The following RASAL3 variants were observed in gnomAD, a reference collection of about 807,000 sequenced individuals.
RASAL3 encodes RAS protein activator like 3.
A neutral mutation model predicts 105.5 loss-of-function variants in RASAL3; 74 were observed. The observed-to-expected ratio is 0.70, with a 90% confidence interval of 0.58 to 0.85. The LOEUF (loss-of-function observed/expected upper bound fraction) is 0.85, where lower values mean the gene tolerates loss of function less well. Among genes scored for constraint, RASAL3 ranks in the 40% least tolerant of loss-of-function variants. The pLI, the probability that RASAL3 is intolerant of heterozygous loss-of-function variation, is 0.00. For missense variants in RASAL3, 1,352 were observed against 1,392.0 expected, an observed-to-expected ratio of 0.97 and a Z score of 0.46; for synonymous variants, 579 against 591.6, an observed-to-expected ratio of 0.98 and a Z score of 0.31.
Position 15,454,513 on chromosome 19 carries a change from C to A in RASAL3, c.2008G>T (p.Glu670Ter), listed in dbSNP as rs773258849. The stretch of plus-strand genomic sequence containing the variant: ...AAGCATTGCATGGCTGGTCCATGTT[C>A]CTCCAGGAAGCTATTCATGAAGCCC... ...YMGFMNSFLE[E>*]HGPAMQCFLD... is the part of the protein sequence containing the mutation. The change falls in exon 13 of 18, where the codon GAA becomes TAA. Residue 670 changes from glutamate to a stop codon, truncating the protein, a stop_gained. Transcript: ENST00000343625. LOFTEE classifies it high-confidence loss of function. 6.2e-7 allele frequency: 1 copy of A among 1,613,988 alleles called. No homozygotes were observed. The highest frequency in any genetic ancestry group is 1.1e-5 in the South Asian group (1 of 91,082).
At chr19:15,460,758 C>A (rs1326229962) in intron 5 of RASAL3, among the ~76,000 whole-genome samples, 1 of 152,156 alleles carries the variant, frequency 6.6e-6, no homozygotes, top group African/African-American at 2.4e-5. Context: ...TGAAGTCTCC[C>A]CATGTTGCTT....
Position 15,457,907 on chromosome 19 carries a change from C to A in RASAL3, c.889-73G>T. 6.7e-7 allele frequency: 1 copy of A among 1,502,248 alleles called. No individual in the cohort carries two copies. The highest frequency in any genetic ancestry group is 1.2e-5 in the South Asian group (1 of 81,800). The allele number at this position is 1,502,248 out of a possible 1,614,324, so 93.1% of individuals were successfully genotyped here. A position where few individuals can be genotyped will look rare whatever the true frequency, so the allele number is the denominator to read the frequency against. ...CCCAAAGAAGGCACCGCAAGTGAAG[C>A]GTGGAGCCTCAAACCTGTTGCGTCG... On this transcript the variant is annotated intron_variant, in intron 8 of 17. Coordinates refer to ENST00000343625, the MANE Select transcript of RASAL3 (RefSeq NM_022904.3). This position sits in a 1 kb window ranked among gnomAD's most constrained non-coding sequence, Gnocchi z 8.6.
Position 15,456,329 on chromosome 19 carries a change from G to A in RASAL3, c.1577-81C>T. 2 of 1,571,478 alleles carry A rather than the reference G, an allele frequency of 1.3e-6. No individual in the cohort carries two copies. Among genetic ancestry groups the A allele is most frequent in the Non-Finnish European group, 1.7e-6 (2 of 1,155,566 alleles). ...CACCCATCCTCCAACCTTGTCTTCAGGTTATTCCGGAGGCACCCAACATCT... is the reference window on the plus strand; with the variant it reads ...CACCCATCCTCCAACCTTGTCTTCAAGTTATTCCGGAGGCACCCAACATCT... On this transcript the variant is annotated intron_variant, in intron 10 of 17. Transcript: ENST00000343625. This position sits in a 1 kb window ranked among gnomAD's most constrained non-coding sequence, Gnocchi z 4.4.
At chr19:15,458,225 TGGG>T (rs1373520660) in intron 8 of RASAL3, 100 bp downstream of exon 8, 1 of 1,057,162 alleles carries the variant, frequency 9.5e-7, no homozygotes, top group Non-Finnish European at 1.4e-6. Flanking sequence ...GCAGGTGTGT[TGGG>T]GGCGCGGGTT....
intron 2 of RASAL3, among the ~76,000 whole-genome samples, chr19:15,462,108 T>C (rs1273229572): frequency 6.6e-6 from 1 of 151,848 alleles, no homozygotes; most frequent in Non-Finnish European, 1.5e-5. Flanking sequence ...ATCCCAACAT[T>C]TGGGAGGCCG....
intron 2 of RASAL3, among the ~76,000 whole-genome samples, chr19:15,462,540 G>A (rs1970542619): frequency 6.7e-6 from 1 of 150,244 alleles, no homozygotes; most frequent in Non-Finnish European, 1.5e-5. Context: ...AGAATTAAAT[G>A]AGCTTCCAGG....
chr19:15,457,300 G>A lies in RASAL3; in HGVS notation c.1423C>T (p.Arg475Trp). The A allele has an allele frequency of 1.5e-6, 2 of 1,299,512 alleles. No homozygotes were observed. Among genetic ancestry groups the A allele is most frequent in the Non-Finnish European group, 2.0e-6 (2 of 1,024,974 alleles). The allele number at this position is 1,299,512 out of a possible 1,614,324, so 80.5% of individuals were successfully genotyped here. A position where few individuals can be genotyped will look rare whatever the true frequency, so the allele number is the denominator to read the frequency against. Residue 475 changes from arginine to tryptophan, a missense_variant, in exon 9 of 18, where the codon CGG becomes TGG. Arg to Trp is a moderately radical substitution (Grantham distance 101, BLOSUM62 -3). This residue lies in a region of RASAL3 where 920 missense variants were observed against 919.6 expected (regional missense o/e 1.00). Coordinates refer to ENST00000343625, the MANE Select transcript of RASAL3 (RefSeq NM_022904.3). This position sits in a 1 kb window ranked among gnomAD's most constrained non-coding sequence, Gnocchi z 8.6. The part of the protein sequence containing the change: ...AMVRVLRATG[R>W]AQALVTDLGT... ...CTGTCGCGGTGCCGCACCTGCGCCC[G>A]GCCGGTGGCCCGCAGCACGCGCACC...
At chr19:15,452,010 C>A (rs1270004909) in intron 17 of RASAL3, 35 bp downstream of exon 17, 1 of 1,613,878 alleles carries the variant, frequency 6.2e-7, no homozygotes, top group East Asian at 2.2e-5. Context: ...CCTCCACCGC[C>A]CAGACCTGCC....
Position 15,452,073 on chromosome 19 carries a change from CTTGTTAGG to C in RASAL3, c.2856_2863del (p.Asn952LysfsTer3). The C allele has an allele frequency of 6.2e-7, 1 of 1,613,902 alleles. No individual in the cohort carries two copies. The highest frequency in any genetic ancestry group is 8.5e-7 in the Non-Finnish European group (1 of 1,179,846). On this transcript the variant is annotated frameshift_variant, in exon 17 of 18. Coordinates refer to ENST00000343625, the MANE Select transcript of RASAL3 (RefSeq NM_022904.3). LOFTEE classifies it low-confidence loss of function (END_TRUNC). The stretch of plus-strand genomic sequence containing the variant: ...GTTTTTCAGACTGTGCCCTTCATTG[CTTGTTAGG>C]TTGTGCTCTGAATCAAACTCTGAGC...
chr19:15,451,802 G>T lies in RASAL3; in HGVS notation c.3029C>A (p.Thr1010Asn). 6.3e-7 allele frequency: 1 copy of T among 1,596,050 alleles called. No individual in the cohort carries two copies. The highest frequency in any genetic ancestry group is 1.3e-5 in the African/African-American group (1 of 74,734). ...TGAGGCAGGATGGGCAGCTCAGGTGGTGTCTCCATTGAGGCAGGGTGCTTT... is the reference window on the plus strand; with the variant it reads ...TGAGGCAGGATGGGCAGCTCAGGTGTTGTCTCCATTGAGGCAGGGTGCTTT... ...PLKAPCLNGD[T>N]T Residue 1010 changes from threonine to asparagine, a missense_variant, in exon 18 of 18, where the codon ACC (threonine) becomes AAC (asparagine). Physicochemically the swap from Thr to Asn is moderately conservative, Grantham distance 65. Around this residue, in one of 3 missense-constraint regions of RASAL3, gnomAD observed 920 missense variants for 919.6 expected, o/e 1.00. Transcript: ENST00000343625.
At position 15,453,450 on chromosome 19, in the gene RASAL3, G is replaced by T. The variant is rs753859387; in HGVS notation, c.2327C>A (p.Pro776His). 29 of 1,545,082 alleles carry T rather than the reference G, an allele frequency of 1.9e-5. No individual in the cohort carries two copies. Among genetic ancestry groups the T allele is most frequent in the Non-Finnish European group, 2.5e-5 (29 of 1,156,556 alleles). Reference protein sequence around the residue: ...KPGFLAPRDLPKHTPLISKSQ... With the variant: ...KPGFLAPRDLHKHTPLISKSQ... Reference sequence around the variant, plus strand: ...CTTGGAGATGAGAGGGGTGTGCTTGGGGAGGTCCCGGGGGGCCAGGAAGCC... The same window carrying T: ...CTTGGAGATGAGAGGGGTGTGCTTGTGGAGGTCCCGGGGGGCCAGGAAGCC... Residue 776 changes from proline (P) to histidine (H), a missense_variant, in exon 15 of 18, where the codon CCC (proline) becomes CAC (histidine). Pro to His is a moderately conservative substitution (Grantham distance 77, BLOSUM62 -2). Transcript: ENST00000343625. This position sits in a 1 kb window ranked among gnomAD's most constrained non-coding sequence, Gnocchi z 4.2.
Position 15,460,198 on chromosome 19 carries a change from C to G in RASAL3, c.662+5G>C, listed in dbSNP as rs375924419. 138 of 1,605,048 alleles carry G rather than the reference C, an allele frequency of 8.6e-5. No homozygotes were observed. The highest frequency in any genetic ancestry group is 1.1e-4 in the Non-Finnish European group (127 of 1,175,850). On this transcript the variant is annotated splice_donor_5th_base_variant and intron_variant, in intron 6 of 17. Coordinates refer to ENST00000343625, the MANE Select transcript of RASAL3 (RefSeq NM_022904.3). ...CAGCCCCTCCAGCCTCTCATACACC[C>G]TTACCCATCCCGGGGCTCCAACCTG...
rs186144481 is a variant in RASAL3 at position 15,460,456 on chromosome 19, C to G, written c.607-198G>C. Among the ~76,000 whole-genome samples the G allele has an allele frequency of 2.0e-5, 3 of 152,176 alleles. No individual in the cohort carries two copies. In the East Asian group the frequency reaches 5.8e-4, roughly 29 times the overall value. ...TTTTTAAGACAGGGTCTCGTGCTGT[C>G]GCCCAGGCTGGAGTACAGTGGTGCG... is the stretch of plus-strand genomic sequence containing the variant. On this transcript the variant is annotated intron_variant, in intron 5 of 17. Transcript: ENST00000343625.
intron 6 of RASAL3, 130 bp from the exon 7 acceptor site, chr19:15,458,785 A>ACCCCCC (rs531818545): frequency 9.2e-7 from 1 of 1,090,674 alleles, no homozygotes; most frequent in Non-Finnish European, 1.2e-6. Flanking sequence ...TGCCCCCCCC[A>ACCCCCC]CCCCCCGCCA....
rs1970159824 is a variant in RASAL3 at position 15,451,880 on chromosome 19, C to T, written c.2951G>A (p.Ser984Asn). The part of the protein sequence containing the change: ...TQAQLRDAVQ[S>N]LQLSPRTRGS... ...CCGCGTCCTTGGAGAAAGCTGCAGGCTCTGGACAGCATCCCTCAGCTGAGC... is the reference window on the plus strand; with the variant it reads ...CCGCGTCCTTGGAGAAAGCTGCAGGTTCTGGACAGCATCCCTCAGCTGAGC... Residue 984 changes from serine (S) to asparagine (N), a missense_variant, in exon 18 of 18, where the codon AGC becomes AAC. Around this residue, in one of 3 missense-constraint regions of RASAL3, gnomAD observed 920 missense variants for 919.6 expected, o/e 1.00. Transcript: ENST00000343625. 6.2e-7 allele frequency: 1 copy of T among 1,609,754 alleles called. No individual in the cohort carries two copies. The highest frequency in any genetic ancestry group is 8.5e-7 in the Non-Finnish European group (1 of 1,176,480).
In RASAL3 at chr19:15,454,225, C is replaced by T. The variant is rs1022565502; in HGVS notation, c.2203G>A (p.Ala735Thr). The T allele has an allele frequency of 6.4e-7, 1 of 1,568,570 alleles. No individual in the cohort carries two copies. The highest frequency in any genetic ancestry group is 8.6e-7 in the Non-Finnish European group (1 of 1,156,674). ...TLEPLPTILRAIEEGQPVLVS... is the reference protein window; with the variant it reads ...TLEPLPTILRTIEEGQPVLVS... ...AGCACAGGCTGGCCCTCCTCAATGG[C>T]TCGCAGGATGGTGGGCAGTGGTTCC... is the stretch of plus-strand genomic sequence containing the variant. Residue 735 changes from alanine (A) to threonine (T), a missense_variant, in exon 14 of 18, where the codon GCC (alanine) becomes ACC (threonine). Ala to Thr is a moderately conservative substitution (Grantham distance 58). Coordinates refer to ENST00000343625, the MANE Select transcript of RASAL3 (RefSeq NM_022904.3).
Position 15,456,083 on chromosome 19 carries a change from T to C in RASAL3, c.1721+21A>G. ...CATGGTAAGCAGGGGTGGGCTAAGC[T>C]GCTGGGGCCCTGATTCTCACTCGTA... On this transcript the variant is annotated intron_variant, in intron 11 of 17. Coordinates refer to ENST00000343625, the MANE Select transcript of RASAL3 (RefSeq NM_022904.3). The surrounding 1 kb of genome is among the most constrained non-coding windows in gnomAD (Gnocchi z 4.4). 6.2e-7 allele frequency: 1 copy of C among 1,610,290 alleles called. No individual in the cohort carries two copies. The highest frequency in any genetic ancestry group is 1.7e-4 in the Middle Eastern group (1 of 6,038).
rs1387589359 is a variant in RASAL3, at chr19:15,452,819, T to A, written c.2671-4A>T. On this transcript the variant is annotated splice_region_variant and splice_polypyrimidine_tract_variant and intron_variant, in intron 15 of 17. Coordinates refer to ENST00000343625, the MANE Select transcript of RASAL3 (RefSeq NM_022904.3). ...CCTCGCACTGCAGCTCTGCCAACTG[T>A]GGTGGGAGAGCAGCTGTAATCTGAC... 1 of 1,545,724 alleles carries A rather than the reference T, an allele frequency of 6.5e-7. No individual in the cohort carries two copies. The highest frequency in any genetic ancestry group is 8.7e-7 in the Non-Finnish European group (1 of 1,143,148).
chr19:15,456,320 T>C lies in RASAL3; in HGVS notation c.1577-72A>G. On this transcript the variant is annotated intron_variant, in intron 10 of 17. Transcript: ENST00000343625. The surrounding 1 kb of genome is among the most constrained non-coding windows in gnomAD (Gnocchi z 4.4). ...AACCTGCCACACCCATCCTCCAACC[T>C]TGTCTTCAGGTTATTCCGGAGGCAC... The C allele has an allele frequency of 6.3e-7, 1 of 1,583,270 alleles. No individual in the cohort carries two copies. Among genetic ancestry groups the C allele is most frequent in the Non-Finnish European group, 8.6e-7 (1 of 1,161,316 alleles).
Sources: allele counts gnomAD v4.1 joint callset (sites outside exome capture counted in the v4.1 genomes callset), GRCh38; gene constraint gnomAD v4.1.1; regional missense constraint gnomAD v4.1.1; non-coding constraint Gnocchi (gnomAD v3.1); transcripts MANE v1.5; gene names NCBI Gene and HGNC (gene_info 2026-07-23, HGNC 2026-07-21).